Variants in DKK2 observed in about 807,000 individuals in gnomAD.
DKK2 encodes dickkopf Wnt signaling pathway inhibitor 2.
DKK2 carries 11 observed loss-of-function variants against 28.1 expected under a neutral mutation model. The ratio of observed to expected loss-of-function variants is 0.39; its 90% CI spans 0.25 to 0.65. DKK2 has a LOEUF of 0.65. DKK2 is among the 30% of genes least tolerant of loss of function. The pLI is 0.47. For missense variants in DKK2, 326 were observed against 335.5 expected (o/e 0.97, Z 0.22); for synonymous variants, 135 against 126.5 (o/e 1.07, Z -0.45).
chr4:107,032,725 A>ATTGGGGGAAAT (rs1723893454), intron 1 of DKK2, among the ~76,000 whole-genome samples: 1 of 152,124 alleles, frequency 6.6e-6, no homozygotes. Context: ...TATAAAGGGA[A>ATTGGGGGAAAT]TTGGGGGAAA....
chr4:106,947,907 T>C (rs924928508), intron 1 of DKK2, among the ~76,000 whole-genome samples: 1 of 152,062 alleles, frequency 6.6e-6, no homozygotes, highest in Admixed American at 6.6e-5. Context: ...TGTCTCAGCC[T>C]CTCGAGTTGC....
intron 1 of DKK2, among the ~76,000 whole-genome samples, chr4:106,957,159 T>C (rs571660431): frequency 6.6e-6 from 1 of 152,176 alleles, no homozygotes; most frequent in Non-Finnish European, 1.5e-5. Flanking sequence ...AAAATGCTCA[T>C]CATCACTGGC....
At chr4:107,031,659 C>G (rs1008328132) in intron 1 of DKK2, among the ~76,000 whole-genome samples, 2 of 151,954 alleles carry the variant, frequency 1.3e-5, no homozygotes, top group African/African-American at 4.8e-5. Context: ...TATCACTATT[C>G]TAGTCACTTT....
chr4:107,022,999 G>A (rs1723719098), intron 1 of DKK2, among the ~76,000 whole-genome samples: 1 of 152,032 alleles, frequency 6.6e-6, no homozygotes, highest in South Asian at 2.1e-4. Flanking sequence ...TGTTCAATTT[G>A]AGTTGCCTGT....
rs1048764352 is a variant in DKK2, at chr4:107,034,718, G to T, written c.222+652C>A. Among the ~76,000 whole-genome samples, 6 of 152,264 alleles carry T rather than the reference G, an allele frequency of 3.9e-5. No homozygotes were observed. In the South Asian group the frequency reaches 1.2e-3, roughly 32 times the overall value. The stretch of plus-strand genomic sequence containing the variant: ...CGCGTCTACTGGAGTTGTTTTGTCT[G>T]TGACCTTACTTCTTTGAAGAGAGTA... On this transcript the variant is annotated intron_variant, in intron 1 of 3. Coordinates refer to ENST00000285311, the MANE Select transcript of DKK2 (RefSeq NM_014421.3).
At chr4:106,948,002 G>A (rs1008800701) in intron 1 of DKK2, among the ~76,000 whole-genome samples, 4 of 152,070 alleles carry the variant, frequency 2.6e-5, no homozygotes, top group African/African-American at 9.7e-5. Context: ...CATTCACAAT[G>A]TCATGCAACC....
At chr4:106,966,288 G>C (rs1722780136) in intron 1 of DKK2, among the ~76,000 whole-genome samples, 1 of 152,078 alleles carries the variant, frequency 6.6e-6, no homozygotes, top group Non-Finnish European at 1.5e-5. Flanking sequence ...GTTGGCTTTT[G>C]TGATGTACCA....
In DKK2 at chr4:106,922,668, A is replaced by T. The variant is rs1162753660; in HGVS notation, c.*1286T>A. ...AGTCCATTTTGTGAAACCTCCTGAA[A>T]TTGAGATTATTTGAGGATCTCAGCA... is the stretch of plus-strand genomic sequence containing the variant. On this transcript the variant is annotated 3_prime_UTR_variant, in exon 4 of 4. Transcript: ENST00000285311. 1 of 152,190 alleles carries T rather than the reference A, an allele frequency of 6.6e-6. No homozygotes were observed. The highest frequency in any genetic ancestry group is 2.4e-5 in the African/African-American group (1 of 41,458). 9.4% of individuals were successfully genotyped at this position (152,190 alleles called of 1,614,324 possible).
chr4:107,031,303 A>AG (rs1179726110), intron 1 of DKK2, among the ~76,000 whole-genome samples: 1 of 152,022 alleles, frequency 6.6e-6, no homozygotes, highest in East Asian at 1.9e-4. Context: ...TAGAAAAAAA[A>AG]GTCATGGATA....
At position 107,011,712 on chromosome 4, in the gene DKK2, T is replaced by TGTGTGTGTGTGTGG. The variant is rs1040184955; in HGVS notation, c.222+23657_222+23658insCCACACACACACAC. 1.0e-3 allele frequency among the ~76,000 whole-genome samples: 152 copies of TGTGTGTGTGTGTGG among 151,376 alleles called. 2 individuals are homozygous for TGTGTGTGTGTGTGG. Among genetic ancestry groups the TGTGTGTGTGTGTGG allele is most frequent in the African/African-American group, 3.6e-3 (149 of 41,406 alleles). On this transcript the variant is annotated intron_variant, in intron 1 of 3. Coordinates refer to ENST00000285311, the MANE Select transcript of DKK2 (RefSeq NM_014421.3). Reference sequence around the variant, plus strand: ...CTGAGTGTGTGTGTGTGTGTGTGTGTGGGTGTGTATAATTTTATTTTGAGT... The same window carrying TGTGTGTGTGTGTGG: ...CTGAGTGTGTGTGTGTGTGTGTGTGTGTGTGTGTGTGTGGGGGTGTGTATAATTTTATTTTGAGT...
At chr4:106,968,019 C>A in intron 1 of DKK2, among the ~76,000 whole-genome samples, 1 of 135,632 alleles carries the variant, frequency 7.4e-6, no homozygotes, top group African/African-American at 2.8e-5. Context: ...GAGATGAAGG[C>A]AGGAAGGAAG....
At chr4:106,953,694 A>T (rs1379538931) in intron 1 of DKK2, among the ~76,000 whole-genome samples, 1 of 152,168 alleles carries the variant, frequency 6.6e-6, no homozygotes, top group Non-Finnish European at 1.5e-5. Flanking sequence ...GGGATTCAGG[A>T]TGTTCTCCTT....
intron 1 of DKK2, among the ~76,000 whole-genome samples, chr4:107,019,442 G>A (rs1460768113): frequency 6.6e-6 from 1 of 151,926 alleles, no homozygotes; most frequent in Non-Finnish European, 1.5e-5. Context: ...GCACATAACA[G>A]AAGCTCACAG....
Position 106,922,177 on chromosome 4 carries a change from A to C in DKK2, c.*1777T>G, listed in dbSNP as rs1022862869. 2.0e-5 allele frequency: 3 copies of C among 152,532 alleles called. No individual in the cohort carries two copies. Among genetic ancestry groups the C allele is most frequent in the Admixed American group, 6.6e-5 (1 of 15,264 alleles). The allele number at this position is 152,532 out of a possible 1,614,324, so 9.4% of individuals were successfully genotyped here. A position where few individuals can be genotyped will look rare whatever the true frequency, so the allele number is the denominator to read the frequency against. On this transcript the variant is annotated 3_prime_UTR_variant, in exon 4 of 4. Coordinates refer to ENST00000285311, the MANE Select transcript of DKK2 (RefSeq NM_014421.3). ...GACCTGTGCAGAAAATGTAAGTCTT[A>C]ATCATCTTAGTAAATATATGTGGGA... is the stretch of plus-strand genomic sequence containing the variant.
chr4:106,924,277 C>A, intron 3 of DKK2, 73 bp from the exon 4 acceptor site: 1 of 1,547,328 alleles, frequency 6.5e-7, no homozygotes, highest in Non-Finnish European at 8.7e-7. Context: ...CAATCAGAAG[C>A]ACATAAAATA....
intron 1 of DKK2, among the ~76,000 whole-genome samples, chr4:107,011,688 T>C (rs1213739686): frequency 6.8e-6 from 1 of 145,992 alleles, no homozygotes; most frequent in African/African-American, 2.5e-5. Context: ...TATCTTTGTC[T>C]GAGTGTGTGT....
rs1406515564 is a variant in DKK2 at position 106,993,205 on chromosome 4, GC to G, written c.222+42164del. ...CCCAATTTCCGCTGGTGACTATATTGCCTTGGACAAATACTGAAAGAAGCTA... is the reference window on the plus strand; with the variant it reads ...CCCAATTTCCGCTGGTGACTATATTGCTTGGACAAATACTGAAAGAAGCTA... On this transcript the variant is annotated intron_variant, in intron 1 of 3. Coordinates refer to ENST00000285311, the MANE Select transcript of DKK2 (RefSeq NM_014421.3). Among the ~76,000 whole-genome samples, 9 of 152,298 alleles carry G rather than the reference GC, an allele frequency of 5.9e-5. 1 individual carries two copies. The highest frequency in any genetic ancestry group is 5.9e-4 in the Admixed American group (9 of 15,298).
At chr4:107,029,702 C>T (rs1304271522) in intron 1 of DKK2, among the ~76,000 whole-genome samples, 1 of 152,092 alleles carries the variant, frequency 6.6e-6, no homozygotes, top group Admixed American at 6.6e-5. Flanking sequence ...TTGGACAGAA[C>T]TACCACTTTG....
At chr4:107,033,184 G>A (rs1032838727) in intron 1 of DKK2, among the ~76,000 whole-genome samples, 2 of 151,994 alleles carry the variant, frequency 1.3e-5, no homozygotes, top group Non-Finnish European at 2.9e-5. Context: ...CCTTCATCTT[G>A]AATATGTTAA....
Sources: gnomAD v4.1 joint callset for allele counts (sites outside exome capture counted in the v4.1 genomes callset) on GRCh38, gnomAD v4.1.1 for gene constraint, MANE v1.5 for transcripts, NCBI Gene and HGNC (gene_info 2026-07-23, HGNC 2026-07-21) for gene names.